Variants in AK8 observed in about 807,000 individuals in gnomAD.
AK8 encodes the protein ATP-AMP transphosphorylase 8.
In AK8, 44 loss-of-function variants were observed where a neutral mutation model predicts 54.6. The observed-to-expected ratio is 0.81, with a 90% CI of 0.63 to 1.04. AK8 has a LOEUF of 1.04. AK8 is among the 50% of genes least tolerant of loss of function. AK8 has a pLI of 0.00. For missense variants in AK8, 555 were observed against 613.6 expected (o/e 0.90, Z 1.01); for synonymous variants, 239 against 245.6 (o/e 0.97, Z 0.25).
At chr9:132,762,296 T>C (rs1003489977) in intron 11 of AK8, among the ~76,000 whole-genome samples, 1 of 152,240 alleles carries the variant, frequency 6.6e-6, no homozygotes, top group Non-Finnish European at 1.5e-5. Context: ...TCTCTCCAGC[T>C]ACTCTTTGAG....
chr9:132,758,026 C>G (rs1363896366), intron 11 of AK8, among the ~76,000 whole-genome samples: 1 of 152,262 alleles, frequency 6.6e-6, no homozygotes, highest in African/African-American at 2.4e-5. Flanking sequence ...TCCTCATGGT[C>G]TGCCATGTGG....
At chr9:132,760,223 G>T (rs770444103) in intron 11 of AK8, among the ~76,000 whole-genome samples, 1 of 149,512 alleles carries the variant, frequency 6.7e-6, no homozygotes, top group Admixed American at 6.7e-5. Context: ...TTGCTGTGTT[G>T]CCCAGGCTGC....
chr9:132,785,198 G>C lies in AK8; in HGVS notation c.1121+7436C>G, dbSNP rs184459398. ...CGGCTCACTGCAACCTCTGCCTCCC[G>C]GGTTCAAGCAGTTCCCTGCCTCAGC... is the stretch of plus-strand genomic sequence containing the variant. On this transcript the variant is annotated intron_variant, in intron 11 of 12. Coordinates refer to ENST00000298545, the MANE Select transcript of AK8 (RefSeq NM_152572.3). 5.6e-4 allele frequency among the ~76,000 whole-genome samples: 85 copies of C among 151,642 alleles called. No homozygotes were observed. The East Asian group carries it at 0.014, about 26-fold the overall frequency.
chr9:132,776,718 G>A (rs904013911), intron 11 of AK8, among the ~76,000 whole-genome samples: 3 of 152,162 alleles, frequency 2.0e-5, no homozygotes, highest in Non-Finnish European at 4.4e-5. Context: ...AAGATGAAGA[G>A]CTCAGAGTTA....
chr9:132,758,854 A>C (rs904761733), intron 11 of AK8, among the ~76,000 whole-genome samples: 1 of 152,084 alleles, frequency 6.6e-6, no homozygotes, highest in South Asian at 2.1e-4. Flanking sequence ...ATAAAACAAA[A>C]CAGCCTTACT....
At chr9:132,839,969 C>A (rs1029118196) in intron 5 of AK8, among the ~76,000 whole-genome samples, 1 of 152,002 alleles carries the variant, frequency 6.6e-6, no homozygotes, top group African/African-American at 2.4e-5. Context: ...AGGCACCCGC[C>A]ACCATGCCCA....
At chr9:132,754,678 T>A (rs1590199819) in intron 11 of AK8, among the ~76,000 whole-genome samples, 1 of 151,908 alleles carries the variant, frequency 6.6e-6, no homozygotes, top group African/African-American at 2.4e-5. Flanking sequence ...CTCCTCTCCC[T>A]CCCCTAGCCA....
intron 10 of AK8, among the ~76,000 whole-genome samples, chr9:132,796,723 C>A (rs1247964432): frequency 1.3e-5 from 2 of 151,340 alleles, no homozygotes; most frequent in African/African-American, 4.9e-5. Flanking sequence ...CTAATTTAAA[C>A]ATATATTCAT....
chr9:132,794,691 TAGA>T lies in AK8; in HGVS notation c.980-1919_980-1917del, dbSNP rs146809542. On this transcript the variant is annotated intron_variant, in intron 10 of 12. Coordinates refer to ENST00000298545, the MANE Select transcript of AK8 (RefSeq NM_152572.3). The stretch of plus-strand genomic sequence containing the variant: ...TGGCACATAGTAGGTGTTGAATAAA[TAGA>T]AGGCTTCTCTTTTTCAAATATTTCA... Among the ~76,000 whole-genome samples the T allele has an allele frequency of 6.7e-3, 1,018 of 152,362 alleles. 8 individuals carry two copies. Among genetic ancestry groups the T allele is most frequent in the African/African-American group, 0.024 (978 of 41,590 alleles).
chr9:132,734,251 A>T (rs1276800330), intron 11 of AK8, among the ~76,000 whole-genome samples: 6 of 152,096 alleles, frequency 3.9e-5, no homozygotes, highest in African/African-American at 1.4e-4. Flanking sequence ...GGGCTGGGAG[A>T]CCTGCATTCG....
intron 5 of AK8, among the ~76,000 whole-genome samples, chr9:132,842,110 T>C (rs1288009607): frequency 2.0e-5 from 3 of 152,198 alleles, no homozygotes; most frequent in Non-Finnish European, 4.4e-5. Context: ...GCTAGCACAC[T>C]GGCCAAAACA....
intron 5 of AK8, 63 bp from the exon 6 acceptor site, chr9:132,828,789 T>A: frequency 1.5e-6 from 2 of 1,325,544 alleles, no homozygotes; most frequent in East Asian, 2.5e-5. Flanking sequence ...GGAATTATTT[T>A]AAAAGGAATA....
chr9:132,758,138 A>C (rs1041327583), intron 11 of AK8, among the ~76,000 whole-genome samples: 1 of 152,268 alleles, frequency 6.6e-6, no homozygotes, highest in African/African-American at 2.4e-5. Flanking sequence ...CACCAGTAGA[A>C]TTATGAGCTC....
chr9:132,777,236 A>C (rs1372569833), intron 11 of AK8, among the ~76,000 whole-genome samples: 1 of 152,190 alleles, frequency 6.6e-6, no homozygotes, highest in Non-Finnish European at 1.5e-5. Context: ...CAGAGCCCTC[A>C]AAATATTAGG....
At chr9:132,736,204 G>A (rs558783038) in intron 11 of AK8, among the ~76,000 whole-genome samples, 3,085 of 50,086 alleles carry the variant, frequency 0.062, 50 homozygotes, top group Non-Finnish European at 0.084. Flanking sequence ...TTTTTTTTTT[G>A]AGACGAAGTC....
intron 11 of AK8, among the ~76,000 whole-genome samples, chr9:132,768,066 T>C (rs566497753): frequency 1.3e-5 from 2 of 152,170 alleles, no homozygotes; most frequent in Non-Finnish European, 2.9e-5. Context: ...TTAACAATAA[T>C]TTATTGCATA....
At chr9:132,863,864 C>A in intron 3 of AK8, 86 bp from the exon 4 acceptor site, 5 of 1,046,694 alleles carry the variant, frequency 4.8e-6, no homozygotes, top group Non-Finnish European at 7.0e-6. Flanking sequence ...GTCCTTCCCT[C>A]TCCTATGGGA....
intron 5 of AK8, among the ~76,000 whole-genome samples, chr9:132,835,978 C>T (rs1564429459): frequency 6.6e-6 from 1 of 152,132 alleles, no homozygotes; most frequent in African/African-American, 2.4e-5. Context: ...ACAAGATTAG[C>T]CAGACATGGT....
At chr9:132,800,087 C>A (rs1304783457) in intron 10 of AK8, among the ~76,000 whole-genome samples, 1 of 152,212 alleles carries the variant, frequency 6.6e-6, no homozygotes, top group East Asian at 1.9e-4. Flanking sequence ...AGGGGCTCTA[C>A]TCTAGGCTGC....
Sources: allele counts gnomAD v4.1 joint callset (sites outside exome capture counted in the v4.1 genomes callset), GRCh38; gene constraint gnomAD v4.1.1; transcripts MANE v1.5; gene names NCBI Gene and HGNC (gene_info 2026-07-23, HGNC 2026-07-21).